Variants in TENM3 observed in about 807,000 individuals in gnomAD.
TENM3 encodes the protein teneurin-3.
TENM3 carries 63 observed loss-of-function variants against 255.1 expected under a neutral mutation model. The ratio of observed to expected loss-of-function variants is 0.25; its 90% CI spans 0.20 to 0.30. The LOEUF is 0.30. Among genes scored for constraint, TENM3 ranks in the 10% least tolerant of loss-of-function variants. The pLI, the probability that TENM3 is intolerant of heterozygous loss-of-function variation, is 1.00. For synonymous variants in TENM3, 1,306 were observed against 1,322.3 expected (o/e 0.99, Z 0.27); for missense variants, 2,929 against 3,461.1 (o/e 0.85, Z 3.86).
chr4:181,503,295 G>A, the TENM3 span, among the ~76,000 whole-genome samples: 13 of 152,184 alleles, frequency 8.5e-5, no homozygotes, highest in Non-Finnish European at 1.6e-4. Context: ...GAGCCCAGGA[G>A]TTCAAGGTTA....
At chr4:181,641,545 GGTGTGT>G in the TENM3 span, among the ~76,000 whole-genome samples, 1 of 23,952 alleles carries the variant, frequency 4.2e-5, no homozygotes, top group African/African-American at 1.7e-4. Context: ...AGTATTCCAT[GGTGTGT>G]GTGTATATAT....
rs1238304710 is a variant in TENM3 at position 182,793,482 on chromosome 4, T to C, written c.6810T>C (p.Ile2270=). 2 of 1,613,868 alleles carry C rather than the reference T, an allele frequency of 1.2e-6. No individual in the cohort carries two copies. Among genetic ancestry groups the C allele is most frequent in the African/African-American group, 1.3e-5 (1 of 74,934 alleles). Residue 2270 remains isoleucine (I), a synonymous_variant, in exon 26 of 28, where the codon ATT becomes ATC. Coordinates refer to ENST00000511685, the MANE Select transcript of TENM3 (RefSeq NM_001080477.4). The surrounding 1 kb of genome is among the most constrained non-coding windows in gnomAD (Gnocchi z 5.7). Reference sequence around the variant, plus strand: ...TCTACAACCATTCGAGTTCAGAAATTACCTCCCTGTATTATGATCTCCAAG... The same window carrying C: ...TCTACAACCATTCGAGTTCAGAAATCACCTCCCTGTATTATGATCTCCAAG... ...THVYNHSSSE[I]TSLYYDLQGH... is the part of the protein sequence containing the mutation.
intron 3 of TENM3, among the ~76,000 whole-genome samples, chr4:182,535,681 A>G (rs1039885665): frequency 1.3e-5 from 2 of 152,012 alleles, no homozygotes; most frequent in African/African-American, 4.8e-5. Context: ...TCGAGGCTGA[A>G]GTGAGCTATG....
intron 24 of TENM3, among the ~76,000 whole-genome samples, chr4:182,775,983 A>AT (rs1764663073): frequency 1.3e-5 from 2 of 149,904 alleles, no homozygotes; most frequent in Admixed American, 6.7e-5. Context: ...GATAGATTAT[A>AT]TATATATAGA....
chr4:181,762,050 T>C, the TENM3 span, among the ~76,000 whole-genome samples: 1 of 152,188 alleles, frequency 6.6e-6, no homozygotes, highest in African/African-American at 2.4e-5. Context: ...CTTGTTTACC[T>C]CCAGATGTGA....
intron 2 of TENM3, among the ~76,000 whole-genome samples, chr4:182,336,291 A>G (rs1355576230): frequency 6.6e-6 from 1 of 152,146 alleles, no homozygotes; most frequent in African/African-American, 2.4e-5. Context: ...TAAACCCAAC[A>G]AATTCCTAAA....
chr4:181,463,117 T>C, the TENM3 span, among the ~76,000 whole-genome samples: 1 of 152,200 alleles, frequency 6.6e-6, no homozygotes, highest in Non-Finnish European at 1.5e-5. Context: ...TCAGCAAAGC[T>C]TAGGCCCACC....
At chr4:182,759,254 T>G (rs982989773) in intron 22 of TENM3, among the ~76,000 whole-genome samples, 2 of 152,246 alleles carry the variant, frequency 1.3e-5, no homozygotes, top group African/African-American at 2.4e-5. Context: ...GGAATGTTGC[T>G]GTGGGTATAG....
rs190914154 is a variant in TENM3, at chr4:182,365,517, G to A, written c.511+18588G>A. 4.1e-4 allele frequency among the ~76,000 whole-genome samples: 62 copies of A among 152,318 alleles called. 1 individual carries two copies. The highest frequency in any genetic ancestry group is 1.9e-3 in the East Asian group (10 of 5,178). ...TGGTCCTAAAGTCTAGCTGGATGCCGCCTGTACACTTTTTACTACAGATTC... is the reference window on the plus strand; with the variant it reads ...TGGTCCTAAAGTCTAGCTGGATGCCACCTGTACACTTTTTACTACAGATTC... On this transcript the variant is annotated intron_variant, in intron 3 of 27. Transcript: ENST00000511685.
chr4:182,050,245 G>A, the TENM3 span, among the ~76,000 whole-genome samples: 1 of 151,940 alleles, frequency 6.6e-6, no homozygotes, highest in African/African-American at 2.4e-5. Flanking sequence ...CACCCACCTC[G>A]GCCTCCCAAA....
intron 3 of TENM3, among the ~76,000 whole-genome samples, chr4:182,595,362 G>C (rs1028232519): frequency 1.3e-5 from 2 of 151,816 alleles, no homozygotes; most frequent in Non-Finnish European, 2.9e-5. Context: ...GCATTTTCCT[G>C]GTATAATAGT....
At chr4:182,699,334 G>T (rs1386098764) in intron 12 of TENM3, among the ~76,000 whole-genome samples, 1 of 152,214 alleles carries the variant, frequency 6.6e-6, no homozygotes, top group Non-Finnish European at 1.5e-5. Flanking sequence ...TGATAAGTTA[G>T]ATGTCATTGA....
the TENM3 span, among the ~76,000 whole-genome samples, chr4:181,734,244 A>T: frequency 2.6e-5 from 4 of 151,946 alleles, no homozygotes; most frequent in African/African-American, 7.3e-5. Flanking sequence ...GGTCTTAGGT[A>T]ACACCTATAT....
intron 3 of TENM3, among the ~76,000 whole-genome samples, chr4:182,485,267 G>T (rs1241659253): frequency 6.6e-6 from 1 of 152,088 alleles, no homozygotes; most frequent in Non-Finnish European, 1.5e-5. Flanking sequence ...GCTGATACTG[G>T]AGTTGTAAGA....
chr4:181,616,829 C>A, the TENM3 span, among the ~76,000 whole-genome samples: 2,066 of 152,264 alleles, frequency 0.014, 51 homozygotes, highest in African/African-American at 0.047. Context: ...GTGTGCTCAG[C>A]TGTTTGCATG....
the TENM3 span, among the ~76,000 whole-genome samples, chr4:182,099,954 C>T: frequency 6.6e-6 from 1 of 152,212 alleles, no homozygotes. Context: ...CAGGGCTCAG[C>T]ACTTCTAAAA....
intron 5 of TENM3, among the ~76,000 whole-genome samples, chr4:182,632,988 G>A (rs533042242): frequency 6.6e-6 from 1 of 152,018 alleles, no homozygotes; most frequent in East Asian, 1.9e-4. Context: ...GGAGTGCAAC[G>A]ACGCAGTCAC....
At chr4:181,606,454 AT>A in the TENM3 span, among the ~76,000 whole-genome samples, 1 of 151,984 alleles carries the variant, frequency 6.6e-6, no homozygotes, top group African/African-American at 2.4e-5. Context: ...ACTCTAGACA[AT>A]GCTTGGTTCT....
At chr4:181,901,420 T>A in the TENM3 span, among the ~76,000 whole-genome samples, 5 of 152,204 alleles carry the variant, frequency 3.3e-5, no homozygotes, top group African/African-American at 1.2e-4. Context: ...CCTTTGAGGC[T>A]AAATTCAATA....
Sources: gnomAD v4.1 joint callset for allele counts (sites outside exome capture counted in the v4.1 genomes callset) on GRCh38, gnomAD v4.1.1 for gene constraint, Gnocchi (gnomAD v3.1) non-coding constraint, MANE v1.5 for transcripts, NCBI Gene and HGNC (gene_info 2026-07-23, HGNC 2026-07-21) for gene names.